The following NLGN1 variants were observed in gnomAD, a reference collection of about 807,000 sequenced individuals.
The protein encoded by NLGN1 is neuroligin 1.
NLGN1 carries 12 observed loss-of-function variants against 65.5 expected under a neutral mutation model. That is an observed-to-expected ratio of 0.18 (90% CI 0.12 to 0.30). The LOEUF (loss-of-function observed/expected upper bound fraction) is 0.30. Among genes scored for constraint, NLGN1 ranks in the 10% least tolerant of loss-of-function variants. The pLI is 1.00. For missense variants in NLGN1, 750 were observed against 1,007.1 expected, an observed-to-expected ratio of 0.74 and a Z score of 3.46; for synonymous variants, 350 against 359.5, an observed-to-expected ratio of 0.97 and a Z score of 0.30.
chr3:174,129,846 C>T (rs939655236), intron 4 of NLGN1, among the ~76,000 whole-genome samples: 1 of 152,030 alleles, frequency 6.6e-6, no homozygotes, highest in Non-Finnish European at 1.5e-5. Context: ...AATTTTTCAC[C>T]CTCTGATCTA....
At chr3:173,469,531 C>T (rs944676783) in intron 2 of NLGN1, among the ~76,000 whole-genome samples, 5 of 151,836 alleles carry the variant, frequency 3.3e-5, no homozygotes, top group Non-Finnish European at 7.4e-5. Context: ...GCAATCTTTA[C>T]GATTCAGGAG....
intron 4 of NLGN1, among the ~76,000 whole-genome samples, chr3:173,967,777 A>G (rs1456332362): frequency 6.6e-6 from 1 of 152,216 alleles, no homozygotes; most frequent in South Asian, 2.1e-4. Flanking sequence ...TAAGAAACAA[A>G]TAAGAAGAGA....
chr3:174,056,573 G>A (rs1736135846), intron 4 of NLGN1, among the ~76,000 whole-genome samples: 1 of 151,956 alleles, frequency 6.6e-6, no homozygotes, highest in African/African-American at 2.4e-5. Flanking sequence ...AGAATCCAAA[G>A]TTTGTATCAT....
chr3:174,172,502 G>A (rs1378111810), intron 4 of NLGN1, among the ~76,000 whole-genome samples: 1 of 152,030 alleles, frequency 6.6e-6, no homozygotes, highest in East Asian at 1.9e-4. Flanking sequence ...TATGTGGCAA[G>A]AGATAGAGGT....
chr3:173,994,838 G>T (rs1035260474), intron 4 of NLGN1, among the ~76,000 whole-genome samples: 2 of 152,130 alleles, frequency 1.3e-5, no homozygotes, highest in African/African-American at 4.8e-5. Flanking sequence ...AAAGTGTAAG[G>T]CAAGACCAAC....
chr3:173,928,257 T>C (rs1743385390), intron 4 of NLGN1, among the ~76,000 whole-genome samples: 1 of 152,198 alleles, frequency 6.6e-6, no homozygotes, highest in Admixed American at 6.5e-5. Context: ...GACAGAGTCT[T>C]CTGATCCTCT....
intron 4 of NLGN1, among the ~76,000 whole-genome samples, chr3:173,942,989 C>G (rs755078544): frequency 2.1e-4 from 32 of 152,192 alleles, no homozygotes; most frequent in Non-Finnish European, 4.3e-4. Context: ...CTTTGCGAGG[C>G]TGAGATAGGT....
At chr3:173,527,589 A>G (rs1315819128) in intron 2 of NLGN1, among the ~76,000 whole-genome samples, 8 of 152,104 alleles carry the variant, frequency 5.3e-5, no homozygotes, top group African/African-American at 1.9e-4. Context: ...AGTAGAGGCA[A>G]AGTTTCACCA....
At chr3:173,641,136 G>T (rs1167134666) in intron 3 of NLGN1, among the ~76,000 whole-genome samples, 1 of 152,030 alleles carries the variant, frequency 6.6e-6, no homozygotes, top group African/African-American at 2.4e-5. Context: ...AGGATATGAA[G>T]CAAATTTGTA....
At chr3:174,081,547 C>T (rs1250705679) in intron 4 of NLGN1, among the ~76,000 whole-genome samples, 2 of 151,308 alleles carry the variant, frequency 1.3e-5, no homozygotes, top group Non-Finnish European at 2.9e-5. Flanking sequence ...TGATCTAATG[C>T]CCCCCTTACA....
intron 4 of NLGN1, among the ~76,000 whole-genome samples, chr3:174,256,267 C>G (rs1034157999): frequency 6.6e-6 from 1 of 152,202 alleles, no homozygotes; most frequent in Non-Finnish European, 1.5e-5. Flanking sequence ...GACAACTTGT[C>G]AAGAGCGCCA....
intron 4 of NLGN1, among the ~76,000 whole-genome samples, chr3:174,074,249 A>G (rs1313387652): frequency 1.3e-5 from 2 of 152,168 alleles, no homozygotes; most frequent in African/African-American, 4.8e-5. Flanking sequence ...GAAAATTAAG[A>G]GAATCAAACA....
chr3:173,955,019 C>G (rs1711630615), intron 4 of NLGN1, among the ~76,000 whole-genome samples: 1 of 151,934 alleles, frequency 6.6e-6, no homozygotes, highest in South Asian at 2.1e-4. Context: ...ATGATTTTGG[C>G]TACAACTATT....
chr3:174,082,483 G>A (rs918506392), intron 4 of NLGN1, among the ~76,000 whole-genome samples: 18 of 151,700 alleles, frequency 1.2e-4, no homozygotes, highest in African/African-American at 4.1e-4. Flanking sequence ...CAAGCAATTG[G>A]CAGCATGTTA....
intron 2 of NLGN1, among the ~76,000 whole-genome samples, chr3:173,444,743 C>T (rs939142482): frequency 2.9e-4 from 44 of 151,772 alleles, no homozygotes; most frequent in Non-Finnish European, 5.1e-4. Flanking sequence ...TATATATACA[C>T]ATATATACAT....
At position 173,507,858 on chromosome 3, in the gene NLGN1, T is replaced by G. The variant is rs116336151; in HGVS notation, c.-321+72780T>G. 3.6e-3 allele frequency among the ~76,000 whole-genome samples: 545 copies of G among 152,296 alleles called. 2 individuals carry two copies. Among genetic ancestry groups the G allele is most frequent in the African/African-American group, 0.012 (508 of 41,582 alleles). ...TGGCTTTGAAGCAACATATCTGGGT[T>G]TAACTTCTGGCTCCTTTGTTAAACA... On this transcript the variant is annotated intron_variant, in intron 2 of 6. Coordinates refer to ENST00000457714, the Ensembl canonical transcript of NLGN1.
chr3:173,817,719 A>G (rs1719313339), intron 4 of NLGN1, among the ~76,000 whole-genome samples: 1 of 152,226 alleles, frequency 6.6e-6, no homozygotes, highest in Non-Finnish European at 1.5e-5. Flanking sequence ...TCTATAATAT[A>G]GTAATCATGT....
intron 4 of NLGN1, among the ~76,000 whole-genome samples, chr3:174,145,526 G>C (rs1577082897): frequency 6.6e-6 from 1 of 150,922 alleles, no homozygotes; most frequent in African/African-American, 2.4e-5. Context: ...AAAAGAAAAA[G>C]AAAAAAAACA....
chr3:174,007,314 G>A (rs139445083), intron 4 of NLGN1, among the ~76,000 whole-genome samples: 1 of 152,138 alleles, frequency 6.6e-6, no homozygotes, highest in Non-Finnish European at 1.5e-5. Context: ...TTTTATGGAA[G>A]CCCTAGCAAA....
Sources: gnomAD v4.1 joint callset for allele counts (sites outside exome capture counted in the v4.1 genomes callset) on GRCh38, gnomAD v4.1.1 for gene constraint, MANE v1.5 for transcripts, NCBI Gene and HGNC (gene_info 2026-07-23, HGNC 2026-07-21) for gene names.